The following FARS2 variants were observed in gnomAD, a reference collection of about 807,000 sequenced individuals.
The protein encoded by FARS2 is phenylalanine--tRNA ligase, mitochondrial.
A neutral mutation model predicts 46.4 loss-of-function variants in FARS2; 40 were observed. The observed-to-expected ratio is 0.86, with a 90% CI of 0.67 to 1.12. The LOEUF (loss-of-function observed/expected upper bound fraction) is 1.12, where lower values mean the gene tolerates loss of function less well. FARS2 is among the 50% of genes most tolerant of loss of function. FARS2 has a pLI of 0.00. For missense variants in FARS2, 513 were observed against 567.9 expected (o/e 0.90, Z 0.98); for synonymous variants, 234 against 214.9 (o/e 1.09, Z -0.78).
chr6:5,657,071 A>G (rs1046006673), intron 6 of FARS2, among the ~76,000 whole-genome samples: 4 of 152,222 alleles, frequency 2.6e-5, no homozygotes, highest in African/African-American at 9.7e-5. Flanking sequence ...TGTAATGCAT[A>G]TATGTATATA....
chr6:5,262,645 G>A (rs1765265865), intron 1 of FARS2, among the ~76,000 whole-genome samples: 1 of 152,152 alleles, frequency 6.6e-6, no homozygotes, highest in Non-Finnish European at 1.5e-5. Flanking sequence ...TAGTGTACTT[G>A]CAACCTGGTG....
chr6:5,449,960 T>C (rs142908048), intron 4 of FARS2, among the ~76,000 whole-genome samples: 17 of 152,356 alleles, frequency 1.1e-4, no homozygotes, highest in African/African-American at 3.4e-4. Context: ...AATCTGCACA[T>C]ACTCAAGTCC....
upstream of FARS2, among the ~76,000 whole-genome samples, chr6:5,256,490 GGAAAAAAAAAAAAAAAAAAAAA>G (rs1472101779): frequency 4.5e-4 from 17 of 37,520 alleles, no homozygotes; most frequent in South Asian, 0.011. Context: ...GATTTCAACT[GGAAAAAAAAAAAAAAAAAAAAA>G]AAAAAAAAAA....
chr6:5,392,597 C>T (rs9504387), intron 2 of FARS2, among the ~76,000 whole-genome samples: 5,876 of 151,852 alleles, frequency 0.039, 382 homozygotes, highest in African/African-American at 0.13. Context: ...CCCACCTGCT[C>T]TCTCAGCTAC....
At chr6:5,666,048 G>A (rs1311506046) in intron 6 of FARS2, among the ~76,000 whole-genome samples, 1 of 152,158 alleles carries the variant, frequency 6.6e-6, no homozygotes, top group African/African-American at 2.4e-5. Flanking sequence ...CTGGAGGGAG[G>A]AAGGGAAGAT....
intron 6 of FARS2, among the ~76,000 whole-genome samples, chr6:5,631,034 G>A (rs563223982): frequency 6.6e-6 from 1 of 152,302 alleles, no homozygotes; most frequent in African/African-American, 2.4e-5. Flanking sequence ...TCCTTGGGAA[G>A]CAAAGTGCAA....
At chr6:5,326,720 C>T (rs538273020) in intron 1 of FARS2, among the ~76,000 whole-genome samples, 1 of 152,324 alleles carries the variant, frequency 6.6e-6, no homozygotes, top group African/African-American at 2.4e-5. Flanking sequence ...GCAGGGTTTG[C>T]TCCGTCATCA....
chr6:5,385,672 C>T (rs1031933248), intron 2 of FARS2, among the ~76,000 whole-genome samples: 13 of 152,096 alleles, frequency 8.5e-5, no homozygotes, highest in Non-Finnish European at 2.9e-5. Flanking sequence ...GGTCTGTCCG[C>T]CTTGGCCTCC....
chr6:5,554,744 C>T (rs1157499745), intron 5 of FARS2, among the ~76,000 whole-genome samples: 1 of 152,116 alleles, frequency 6.6e-6, no homozygotes, highest in Non-Finnish European at 1.5e-5. Flanking sequence ...GAAACTGAGG[C>T]TTAGCGTCAG....
At chr6:5,365,657 A>T (rs1758628416) in intron 1 of FARS2, among the ~76,000 whole-genome samples, 1 of 151,764 alleles carries the variant, frequency 6.6e-6, no homozygotes, top group Non-Finnish European at 1.5e-5. Flanking sequence ...CTACTGAGAA[A>T]TGCACTTGAC....
At chr6:5,391,400 G>T (rs1760504592) in intron 2 of FARS2, among the ~76,000 whole-genome samples, 2 of 152,132 alleles carry the variant, frequency 1.3e-5, no homozygotes, top group East Asian at 1.9e-4. Flanking sequence ...ACTCAGCAAG[G>T]TAGCAAAGGT....
chr6:5,561,808 A>G (rs1412483261), intron 5 of FARS2, among the ~76,000 whole-genome samples: 1 of 152,018 alleles, frequency 6.6e-6, no homozygotes, highest in Non-Finnish European at 1.5e-5. Flanking sequence ...CTTCTTAGTT[A>G]TCAGTTATCT....
At position 5,705,490 on chromosome 6, in the gene FARS2, G is replaced by A. The variant is rs1193530918; in HGVS notation, c.1218-65801G>A. 2.6e-5 allele frequency among the ~76,000 whole-genome samples: 4 copies of A among 152,252 alleles called. No individual in the cohort carries two copies. In the East Asian group the frequency reaches 7.7e-4, roughly 29 times the overall value. ...AGGCACTCAGTAACTGCCAGTAACT[G>A]GTTTCCTGTGCCTGCCTCCTTACCT... On this transcript the variant is annotated intron_variant, in intron 6 of 6. Transcript: ENST00000274680.
chr6:5,700,395 A>AGTAG (rs1758347858), intron 6 of FARS2, among the ~76,000 whole-genome samples: 1 of 151,558 alleles, frequency 6.6e-6, no homozygotes, highest in Non-Finnish European at 1.5e-5. Context: ...TATATATCTC[A>AGTAG]GTAGCAGTGG....
rs527891929 is a variant in FARS2 at position 5,311,924 on chromosome 6, A to G, written c.-22+50264A>G. ...GGCCTCAAGTGAATTTGCCCATTGT[A>G]GGTTTGTCTGGGGGAGTGTAAGTTA... is the stretch of plus-strand genomic sequence containing the variant. On this transcript the variant is annotated intron_variant, in intron 1 of 6. Coordinates refer to ENST00000274680, the MANE Select transcript of FARS2 (RefSeq NM_006567.5). This position sits in a 1 kb window ranked among gnomAD's most constrained non-coding sequence, Gnocchi z 4.1. 5.3e-5 allele frequency among the ~76,000 whole-genome samples: 8 copies of G among 152,266 alleles called. No individual in the cohort carries two copies. Among genetic ancestry groups the G allele is most frequent in the Non-Finnish European group, 1.0e-4 (7 of 68,006 alleles).
At chr6:5,461,458 T>TTTA (rs535706236) in intron 4 of FARS2, among the ~76,000 whole-genome samples, 11 of 152,150 alleles carry the variant, frequency 7.2e-5, no homozygotes, top group Non-Finnish European at 1.0e-4. Context: ...ATTTAGTAAA[T>TTTA]TTATAGAGTT....
chr6:5,430,130 C>T (rs570474072), intron 3 of FARS2, among the ~76,000 whole-genome samples: 26 of 152,138 alleles, frequency 1.7e-4, no homozygotes, highest in South Asian at 1.5e-3. Context: ...CATGGAGAAT[C>T]GAGTCCTTTA....
chr6:5,601,727 G>A (rs1263304373), intron 5 of FARS2, among the ~76,000 whole-genome samples: 5 of 152,024 alleles, frequency 3.3e-5, no homozygotes, highest in African/African-American at 9.7e-5. Flanking sequence ...TGGCTATCTC[G>A]TGGAGTTGTG....
intron 6 of FARS2, among the ~76,000 whole-genome samples, chr6:5,675,199 G>GAC (rs3057239): frequency 0.064 from 9,208 of 144,980 alleles, 342 homozygotes; most frequent in African/African-American, 0.11. Flanking sequence ...TTTGCAGATA[G>GAC]ACACACACAC....
Sources: gnomAD v4.1 joint callset for allele counts (sites outside exome capture counted in the v4.1 genomes callset) on GRCh38, gnomAD v4.1.1 for gene constraint, Gnocchi (gnomAD v3.1) non-coding constraint, MANE v1.5 for transcripts, NCBI Gene and HGNC (gene_info 2026-07-23, HGNC 2026-07-21) for gene names.